The following NDUFS1 variants were observed in gnomAD, a reference collection of about 807,000 sequenced individuals.
NDUFS1 encodes the protein NADH:ubiquinone oxidoreductase core subunit S1, also known as NADH-ubiquinone oxidoreductase 75 kDa subunit, mitochondrial.
In NDUFS1, 61 loss-of-function variants were observed where a neutral mutation model predicts 84.4. That is an observed-to-expected ratio of 0.72 (90% CI 0.59 to 0.89). The LOEUF (loss-of-function observed/expected upper bound fraction) is 0.89. Among genes scored for constraint, NDUFS1 ranks in the 40% least tolerant of loss-of-function variants. The pLI is 0.00. For synonymous variants in NDUFS1, 275 were observed against 290.0 expected (o/e 0.95, Z 0.53); for missense variants, 891 against 890.0 (o/e 1.00, Z -0.01).
Position 206,126,864 on chromosome 2 carries a change from CA to C in NDUFS1, c.1885-21del. ...AGCAATCTACAACATGTCAGGTCCC[CA>C]AAAACAACAAAAAGCTTTAATACTT... On this transcript the variant is annotated intron_variant, in intron 16 of 18. Transcript: ENST00000233190. 6.2e-7 allele frequency: 1 copy of C among 1,613,280 alleles called. No homozygotes were observed. The highest frequency in any genetic ancestry group is 8.5e-7 in the Non-Finnish European group (1 of 1,179,782).
chr2:206,133,620 A>C (rs1443103019), intron 13 of NDUFS1, among the ~76,000 whole-genome samples: 1 of 152,192 alleles, frequency 6.6e-6, no homozygotes, highest in Non-Finnish European at 1.5e-5. Context: ...AATGACAAAA[A>C]CTAGGAGAAT....
intron 13 of NDUFS1, among the ~76,000 whole-genome samples, chr2:206,133,869 A>G (rs1443146708): frequency 6.6e-6 from 1 of 152,248 alleles, no homozygotes; most frequent in Admixed American, 6.5e-5. Flanking sequence ...AGCCCCAGCT[A>G]CACAGGAGGC....
rs1559039863 is a variant in NDUFS1 at position 206,124,243 on chromosome 2, T to C, written c.2126A>G (p.Lys709Arg). Residue 709 changes from lysine (K) to arginine (R), a missense_variant, in exon 19 of 19, where the codon AAA (lysine) becomes AGA (arginine). Physicochemically the swap from Lys to Arg is conservative, Grantham distance 26. Transcript: ENST00000233190. ...ACCCTCTGTGACAGCTTTGACACAT[T>C]TGGCCATTGTCTGTGAGGCTCTGCT... ...SISRASQTMA[K>R]CVKAVTEGAQ... 10 of 1,613,388 alleles carry C rather than the reference T, an allele frequency of 6.2e-6. No individual in the cohort carries two copies. The East Asian group carries it at 8.9e-5, about 14-fold the overall frequency.
chr2:206,124,364 G>T, intron 18 of NDUFS1, 88 bp from the exon 19 acceptor site: 1 of 1,000,328 alleles, frequency 1.0e-6, no homozygotes, highest in Non-Finnish European at 1.6e-6. Context: ...TATTCAGGAG[G>T]AAAAAAGATT....
chr2:206,129,999 A>G, intron 15 of NDUFS1, 89 bp downstream of exon 15: 1 of 1,531,686 alleles, frequency 6.5e-7, no homozygotes, highest in Non-Finnish European at 9.0e-7. Context: ...AATGGAAAAC[A>G]TTCAGTTCAC....
chr2:206,158,912 AAC>A (rs1687789883), intron 1 of NDUFS1, among the ~76,000 whole-genome samples: 1 of 152,256 alleles, frequency 6.6e-6, no homozygotes, highest in Non-Finnish European at 1.5e-5. Flanking sequence ...AGCCATTGCT[AAC>A]ACAACAGCGA....
intron 8 of NDUFS1, 84 bp from the exon 9 acceptor site, chr2:206,145,110 T>A: frequency 7.6e-6 from 10 of 1,321,262 alleles, no homozygotes; most frequent in Non-Finnish European, 9.4e-6. Flanking sequence ...AAATTTTTTT[T>A]ACAATTAATT....
intron 1 of NDUFS1, among the ~76,000 whole-genome samples, chr2:206,158,689 C>T (rs778427534): frequency 3.8e-4 from 58 of 152,232 alleles, no homozygotes; most frequent in Non-Finnish European, 2.5e-4. Flanking sequence ...ACCGTCAATT[C>T]GTGTGTGAAC....
At chr2:206,144,443 C>G (rs570105531) in intron 9 of NDUFS1, among the ~76,000 whole-genome samples, 67 of 152,290 alleles carry the variant, frequency 4.4e-4, no homozygotes, top group African/African-American at 1.4e-3. Flanking sequence ...AATCTGACAG[C>G]TAAAAAAGTC....
At chr2:206,124,822 G>C (rs1000613734) in intron 18 of NDUFS1, among the ~76,000 whole-genome samples, 4 of 152,168 alleles carry the variant, frequency 2.6e-5, no homozygotes, top group Middle Eastern at 3.4e-3. Context: ...CTGGGCGACA[G>C]AGCAAGACTC....
rs1271168528 is a variant in NDUFS1 at position 206,130,081 on chromosome 2, T to C, written c.1708+7A>G. ...CTTTTGTTTCTGGTGTCACAGGTGA[T>C]ACTTACCTTGATAAATAATGAAACA... On this transcript the variant is annotated splice_region_variant and intron_variant, in intron 15 of 18. Coordinates refer to ENST00000233190, the MANE Select transcript of NDUFS1 (RefSeq NM_005006.7). 1 of 1,614,134 alleles carries C rather than the reference T, an allele frequency of 6.2e-7. No individual in the cohort carries two copies. The highest frequency in any genetic ancestry group is 1.1e-5 in the South Asian group (1 of 91,080).
intron 12 of NDUFS1, among the ~76,000 whole-genome samples, chr2:206,141,538 A>AAAAAAAT (rs1231036444): frequency 4.7e-5 from 7 of 149,410 alleles, no homozygotes; most frequent in Non-Finnish European, 8.9e-5. Context: ...TCTCAAAGAC[A>AAAAAAAT]AAAAAATAAA....
At position 206,119,221 on chromosome 2, in the gene NDUFS1, T is replaced by C. The variant is rs945713219; in HGVS notation, c.*4964A>G. ...GTTAGCACATGGGGCATTTAGTATA[T>C]GTCAGGAAACAGGCCTAAGGTTTTT... On this transcript the variant is annotated 3_prime_UTR_variant, in exon 19 of 19. Coordinates refer to ENST00000233190, the MANE Select transcript of NDUFS1 (RefSeq NM_005006.7). 2.0e-5 allele frequency: 3 copies of C among 152,170 alleles called. No homozygotes were observed. The highest frequency in any genetic ancestry group is 2.4e-5 in the African/African-American group (1 of 41,444). The allele number at this position is 152,170 out of a possible 1,614,324, so 9.4% of individuals were successfully genotyped here.
intron 1 of NDUFS1, among the ~76,000 whole-genome samples, chr2:206,158,054 C>G (rs949101384): frequency 2.0e-5 from 3 of 151,064 alleles, no homozygotes; most frequent in Non-Finnish European, 4.4e-5. Flanking sequence ...AGCCCCGCCA[C>G]CCGGGTTCAC....
At chr2:206,125,748 C>T (rs1229689939) in intron 18 of NDUFS1, among the ~76,000 whole-genome samples, 1 of 151,880 alleles carries the variant, frequency 6.6e-6, no homozygotes, top group Non-Finnish European at 1.5e-5. Flanking sequence ...CAGAATACTT[C>T]ATCACCGAGG....
Position 206,144,148 on chromosome 2 carries a change from T to G in NDUFS1, c.873-16A>C, listed in dbSNP as rs1306349245. 3.2e-6 allele frequency: 5 copies of G among 1,559,456 alleles called. No individual in the cohort carries two copies. In the South Asian group the frequency reaches 3.3e-5, roughly 10 times the overall value. On this transcript the variant is annotated splice_polypyrimidine_tract_variant and intron_variant, in intron 9 of 18. Transcript: ENST00000233190. Reference sequence around the variant, plus strand: ...ATAGGCAAATCTAGAAAACAGAAATTACACCATTGTGGAATCTTGCTAAAG... The same window carrying G: ...ATAGGCAAATCTAGAAAACAGAAATGACACCATTGTGGAATCTTGCTAAAG...
rs73067827 is a variant in NDUFS1 at position 206,139,802 on chromosome 2, C to G, written c.1263-1188G>C. Among the ~76,000 whole-genome samples, 1,191 of 146,100 alleles carry G rather than the reference C, an allele frequency of 8.2e-3. 16 individuals carry two copies. Among genetic ancestry groups the G allele is most frequent in the African/African-American group, 0.029 (1,134 of 39,434 alleles). On this transcript the variant is annotated intron_variant, in intron 12 of 18. Coordinates refer to ENST00000233190, the MANE Select transcript of NDUFS1 (RefSeq NM_005006.7). Reference sequence around the variant, plus strand: ...AGACAATAAACTATATGGTTACCCTCTTTATAAATCTCTAAGATGTAAATT... The same window carrying G: ...AGACAATAAACTATATGGTTACCCTGTTTATAAATCTCTAAGATGTAAATT...
chr2:206,130,312 G>A (rs1691461925), intron 14 of NDUFS1, 70 bp from the exon 15 acceptor site: 3 of 1,550,510 alleles, frequency 1.9e-6, no homozygotes, highest in African/African-American at 2.7e-5. Context: ...TGTGATTTTT[G>A]GAATAATTTC....
In NDUFS1 at chr2:206,118,924, C is replaced by G. The variant is rs1176123228; in HGVS notation, c.*5261G>C. 1 of 152,234 alleles carries G rather than the reference C, an allele frequency of 6.6e-6. No individual in the cohort carries two copies. The highest frequency in any genetic ancestry group is 1.9e-4 in the East Asian group (1 of 5,190). The allele number at this position is 152,234 out of a possible 1,614,324, so 9.4% of individuals were successfully genotyped here. ...CCAACATGGTGAAACCCCGCCTCTACTAAAAACACAAAAATTAGCTGGGCG... is the reference window on the plus strand; with the variant it reads ...CCAACATGGTGAAACCCCGCCTCTAGTAAAAACACAAAAATTAGCTGGGCG... On this transcript the variant is annotated 3_prime_UTR_variant, in exon 19 of 19. Transcript: ENST00000233190.
Sources: gnomAD v4.1 joint callset for allele counts (sites outside exome capture counted in the v4.1 genomes callset) on GRCh38, gnomAD v4.1.1 for gene constraint, MANE v1.5 for transcripts, NCBI Gene and HGNC (gene_info 2026-07-23, HGNC 2026-07-21) for gene names.